SERPINA12: variants seen among roughly 807,000 people sequenced by gnomAD.
SERPINA12 encodes serpin family A member 12.
In SERPINA12, 21 loss-of-function variants were observed where a neutral mutation model predicts 25.9. That is an observed-to-expected ratio of 0.81 (90% confidence interval 0.58 to 1.17). The LOEUF (loss-of-function observed/expected upper bound fraction) is 1.17. SERPINA12 is among the 50% of genes most tolerant of loss of function. The probability of loss-of-function intolerance (pLI) is 0.00; values close to 1 mark genes in which losing one functional copy is unlikely to be tolerated. For synonymous variants in SERPINA12, 220 were observed against 196.0 expected (o/e 1.12, Z -1.02); for missense variants, 562 against 508.3 (o/e 1.11, Z -1.02).
chr14:94,511,751 A>G (rs569574399), upstream of SERPINA12: 1 of 980,800 alleles, frequency 1.0e-6, no homozygotes, highest in East Asian at 1.1e-4. Context: ...TGTACCAGGC[A>G]GCAAGCCAGG....
At chr14:94,491,530 T>A (rs1900179935) in intron 3 of SERPINA12, among the ~76,000 whole-genome samples, 1 of 151,972 alleles carries the variant, frequency 6.6e-6, no homozygotes, top group South Asian at 2.1e-4. Flanking sequence ...GGGCAAAAAT[T>A]GATGCTGGGA....
At chr14:94,509,279 A>AACACACACACAC (rs3065835) in intron 1 of SERPINA12, among the ~76,000 whole-genome samples, 63 bp downstream of exon 1, 2,666 of 134,640 alleles carry the variant, frequency 0.02, 29 homozygotes, top group Admixed American at 0.025. Flanking sequence ...AGAAACAGAC[A>AACACACACACAC]ACACACACAC....
chr14:94,487,449 C>A lies in SERPINA12; in HGVS notation c.1099G>T (p.Gly367Trp). Reference protein sequence around the residue: ...ELKMDERGTEGAAGTGAQTLP... With the variant: ...ELKMDERGTEWAAGTGAQTLP... ...GTCTGTGCTCCGGTGCCAGCGGCCC[C>A]TTCCGTACCCCTCTCATCCATCTTC... Residue 367 changes from glycine to tryptophan, a missense_variant, in exon 5 of 5, where the codon GGG becomes TGG. Gly to Trp is a radical substitution (Grantham distance 184). Coordinates refer to ENST00000677451, the MANE Select transcript of SERPINA12 (RefSeq NM_001382267.1). 1.2e-6 allele frequency: 2 copies of A among 1,614,104 alleles called. No homozygotes were observed. Among genetic ancestry groups the A allele is most frequent in the Non-Finnish European group, 1.7e-6 (2 of 1,180,016 alleles).
intron 1 of SERPINA12, among the ~76,000 whole-genome samples, chr14:94,506,511 G>A (rs866276095): frequency 1.1e-4 from 16 of 152,218 alleles, no homozygotes; most frequent in African/African-American, 3.6e-4. Context: ...ATAAGTAGGT[G>A]TTCTCTAGGA....
At chr14:94,487,543 C>G (rs140836503) in intron 4 of SERPINA12, 49 bp from the exon 5 acceptor site, 18,976 of 1,517,016 alleles carry the variant, frequency 0.013, 158 homozygotes, top group Non-Finnish European at 0.016. Context: ...CCTTGGCGAC[C>G]ACAGTGGGCC....
chr14:94,488,437 C>T (rs1036137405), intron 4 of SERPINA12, among the ~76,000 whole-genome samples: 1 of 151,758 alleles, frequency 6.6e-6, no homozygotes, highest in African/African-American at 2.4e-5. Context: ...CATCCCCGCA[C>T]CCATCTCTGC....
upstream of SERPINA12, among the ~76,000 whole-genome samples, chr14:94,514,437 C>T (rs1250102402): frequency 1.3e-5 from 2 of 152,208 alleles, no homozygotes; most frequent in Non-Finnish European, 2.9e-5. Flanking sequence ...TCTGCCAGCC[C>T]CTGGTGGCTG....
intron 4 of SERPINA12, among the ~76,000 whole-genome samples, chr14:94,488,656 T>C (rs911542800): frequency 2.0e-5 from 3 of 152,230 alleles, no homozygotes; most frequent in Non-Finnish European, 4.4e-5. Flanking sequence ...GGGTATCCTG[T>C]ATGAAATCTG....
At chr14:94,509,500 A>G (rs1901050677), upstream of SERPINA12, among the ~76,000 whole-genome samples, 1 of 151,964 alleles carries the variant, frequency 6.6e-6, no homozygotes, top group African/African-American at 2.4e-5. Flanking sequence ...AGCCTTATCT[A>G]CAAACTGGGT....
Position 94,491,250 on chromosome 14 carries a change from G to A in SERPINA12, c.906-1483C>T, listed in dbSNP as rs149078944. ...AAGTACCACTTAAGCCTACATACATGTACTAGCGGTATGCAGAAGGCAGTA... is the reference window on the plus strand; with the variant it reads ...AAGTACCACTTAAGCCTACATACATATACTAGCGGTATGCAGAAGGCAGTA... On this transcript the variant is annotated intron_variant, in intron 3 of 4. Transcript: ENST00000677451. 2.6e-4 allele frequency among the ~76,000 whole-genome samples: 39 copies of A among 152,276 alleles called. No homozygotes were observed. In the East Asian group the frequency reaches 6.6e-3, roughly 26 times the overall value.
chr14:94,516,392 C>A (rs916899716), intron 1 of SERPINA12, among the ~76,000 whole-genome samples: 1 of 152,166 alleles, frequency 6.6e-6, no homozygotes, highest in African/African-American at 2.4e-5. Flanking sequence ...GCCTGGCTGA[C>A]ACAGTGACTC....
upstream of SERPINA12, among the ~76,000 whole-genome samples, chr14:94,509,561 T>G (rs564758286): frequency 4.9e-4 from 74 of 152,142 alleles, 1 homozygote; most frequent in Non-Finnish European, 7.8e-4. Context: ...CTCCACCCCT[T>G]TCCCAGGATC....
intron 1 of SERPINA12, among the ~76,000 whole-genome samples, chr14:94,498,767 T>A (rs1900584500): frequency 2.0e-5 from 3 of 152,194 alleles, no homozygotes. Context: ...GGCCCAGACC[T>A]ACCATCATAA....
chr14:94,497,682 T>G (rs535446373), intron 2 of SERPINA12, 82 bp downstream of exon 2: 1 of 1,324,752 alleles, frequency 7.5e-7, no homozygotes, highest in African/African-American at 1.5e-5. Flanking sequence ...GGTCACAGAG[T>G]AAACAAGTGG....
At chr14:94,504,154 C>A (rs963467996) in intron 1 of SERPINA12, 1 of 152,264 alleles carries the variant, frequency 6.6e-6, no homozygotes, top group Non-Finnish European at 1.5e-5. Context: ...GTCCACTGAG[C>A]CAGCCAAATG....
At chr14:94,495,760 C>A (rs538188843) in intron 3 of SERPINA12, among the ~76,000 whole-genome samples, 4 of 152,298 alleles carry the variant, frequency 2.6e-5, no homozygotes, top group Admixed American at 2.0e-4. Context: ...TGTATGTCCA[C>A]GCTGACACTA....
chr14:94,503,794 A>G (rs561719153), intron 1 of SERPINA12, among the ~76,000 whole-genome samples: 1 of 152,348 alleles, frequency 6.6e-6, no homozygotes, highest in Admixed American at 6.5e-5. Context: ...AAGATTCACA[A>G]ACAGCTCACA....
intron 1 of SERPINA12, among the ~76,000 whole-genome samples, chr14:94,516,836 C>T (rs767047809): frequency 2.0e-5 from 3 of 152,134 alleles, no homozygotes; most frequent in Non-Finnish European, 4.4e-5. Flanking sequence ...CTTCTGAACA[C>T]AGGGGTCAGG....
At chr14:94,503,354 C>T in intron 1 of SERPINA12, 1 of 981,850 alleles carries the variant, frequency 1.0e-6, no homozygotes. Context: ...TAGATTTCTG[C>T]CTTCATTCCT....
Sources: allele counts gnomAD v4.1 joint callset (sites outside exome capture counted in the v4.1 genomes callset), GRCh38; gene constraint gnomAD v4.1.1; transcripts MANE v1.5; gene names NCBI Gene and HGNC (gene_info 2026-07-23, HGNC 2026-07-21).